SORCS3: variants seen among roughly 807,000 people sequenced by gnomAD.
SORCS3 encodes the protein sortilin related VPS10 domain containing receptor 3.
SORCS3 carries 57 observed loss-of-function variants against 146.3 expected under a neutral mutation model. The ratio of observed to expected loss-of-function variants is 0.39; its 90% confidence interval spans 0.31 to 0.49. The LOEUF (loss-of-function observed/expected upper bound fraction) is 0.49. Ranked by LOEUF, SORCS3 falls within the 20% of genes least tolerant of loss-of-function variation. The probability of loss-of-function intolerance (pLI) is 0.92; values close to 1 mark genes in which losing one functional copy is unlikely to be tolerated. For missense variants in SORCS3, 1,341 were observed against 1,575.5 expected, an observed-to-expected ratio of 0.85 and a Z score of 2.52; for synonymous variants, 653 against 618.5, an observed-to-expected ratio of 1.06 and a Z score of -0.83.
chr10:104,863,393 G>T (rs145548354), intron 2 of SORCS3, among the ~76,000 whole-genome samples: 1 of 152,082 alleles, frequency 6.6e-6, no homozygotes, highest in Non-Finnish European at 1.5e-5. Flanking sequence ...CTCCTCTTAC[G>T]CATTTTTAGG....
At chr10:104,905,634 G>C (rs570813235) in intron 2 of SORCS3, among the ~76,000 whole-genome samples, 3 of 152,148 alleles carry the variant, frequency 2.0e-5, no homozygotes, top group African/African-American at 7.2e-5. Flanking sequence ...ACCTTATTCT[G>C]TCTGGAGAAA....
chr10:104,900,249 C>T (rs182021573), intron 2 of SORCS3, among the ~76,000 whole-genome samples: 2 of 152,288 alleles, frequency 1.3e-5, no homozygotes, highest in Admixed American at 1.3e-4. Flanking sequence ...TAACAGAATT[C>T]TCTCAGGCAC....
chr10:105,092,713 A>G (rs1373619764), intron 6 of SORCS3, among the ~76,000 whole-genome samples: 1 of 152,062 alleles, frequency 6.6e-6, no homozygotes, highest in Non-Finnish European at 1.5e-5. Context: ...ATGGTAGTTT[A>G]ACTCAAATTT....
At chr10:105,133,331 A>G (rs1483855979) in intron 7 of SORCS3, among the ~76,000 whole-genome samples, 1 of 152,186 alleles carries the variant, frequency 6.6e-6, no homozygotes, top group African/African-American at 2.4e-5. Context: ...ACAATCTGTT[A>G]TTCAGTAAGT....
intron 1 of SORCS3, among the ~76,000 whole-genome samples, chr10:104,728,088 T>C (rs1375978994): frequency 6.6e-6 from 1 of 152,006 alleles, no homozygotes; most frequent in Admixed American, 6.6e-5. Flanking sequence ...ATCTGTCATC[T>C]CTTTTGTTCC....
At chr10:105,087,487 G>GAAAAAAA (rs59554883) in intron 5 of SORCS3, among the ~76,000 whole-genome samples, 9,500 of 141,806 alleles carry the variant, frequency 0.067, 391 homozygotes, top group Middle Eastern at 0.096. Flanking sequence ...TCTCTTCTGG[G>GAAAAAAA]AAAAAAAAAA....
intron 1 of SORCS3, among the ~76,000 whole-genome samples, chr10:104,671,762 T>C (rs2015857240): frequency 6.6e-6 from 1 of 152,186 alleles, no homozygotes; most frequent in African/African-American, 2.4e-5. Flanking sequence ...TTCATTCTGT[T>C]AATGTGGTAT....
At chr10:104,696,649 ATT>A (rs2016212715) in intron 1 of SORCS3, among the ~76,000 whole-genome samples, 3 of 56,872 alleles carry the variant, frequency 5.3e-5, no homozygotes, top group African/African-American at 1.3e-4. Flanking sequence ...TATAATATAT[ATT>A]ATATACGTAT....
chr10:105,038,825 A>C (rs1046414667), intron 4 of SORCS3, among the ~76,000 whole-genome samples: 4 of 152,140 alleles, frequency 2.6e-5, no homozygotes, highest in Non-Finnish European at 5.9e-5. Context: ...AATCTTCTAA[A>C]ACTTACTATT....
intron 2 of SORCS3, among the ~76,000 whole-genome samples, chr10:104,888,947 C>T (rs1307639165): frequency 6.6e-6 from 1 of 152,140 alleles, no homozygotes; most frequent in Admixed American, 6.5e-5. Context: ...CTATTCCCTA[C>T]TTTAGGTCAT....
intron 20 of SORCS3, among the ~76,000 whole-genome samples, chr10:105,240,157 A>G (rs1299998035): frequency 6.6e-6 from 1 of 152,206 alleles, no homozygotes; most frequent in African/African-American, 2.4e-5. Context: ...GGAAACAGCC[A>G]GATGGAGGAG....
chr10:105,021,602 G>T (rs1324329555), intron 4 of SORCS3, among the ~76,000 whole-genome samples: 1 of 152,158 alleles, frequency 6.6e-6, no homozygotes, highest in Non-Finnish European at 1.5e-5. Context: ...ACTAGTAATT[G>T]TAATAATGTT....
intron 1 of SORCS3, among the ~76,000 whole-genome samples, chr10:104,691,131 A>G (rs184865072): frequency 6.6e-6 from 1 of 152,186 alleles, no homozygotes; most frequent in Admixed American, 6.5e-5. Flanking sequence ...GAAGGATTCC[A>G]TGGTAACAAG....
intron 4 of SORCS3, among the ~76,000 whole-genome samples, chr10:105,033,877 A>G (rs977014519): frequency 2.0e-5 from 3 of 152,200 alleles, no homozygotes; most frequent in Non-Finnish European, 4.4e-5. Context: ...AGAGAAGGAT[A>G]GAATTTTTAC....
chr10:105,257,196 T>C (rs1379260249), intron 25 of SORCS3, among the ~76,000 whole-genome samples: 1 of 152,152 alleles, frequency 6.6e-6, no homozygotes, highest in Non-Finnish European at 1.5e-5. Context: ...AAGAGAAGTG[T>C]AAGGGGTTTT....
At chr10:105,248,324 A>G (rs2056879334) in intron 22 of SORCS3, among the ~76,000 whole-genome samples, 1 of 152,206 alleles carries the variant, frequency 6.6e-6, no homozygotes. Context: ...TTTGCAACTC[A>G]ATAAATACTT....
chr10:104,794,200 A>G (rs1190990076), intron 1 of SORCS3, among the ~76,000 whole-genome samples: 2 of 151,998 alleles, frequency 1.3e-5, no homozygotes, highest in African/African-American at 2.4e-5. Flanking sequence ...ACTTTGTACT[A>G]TTGTCAGACT....
chr10:105,256,178 T>C lies in SORCS3; in HGVS notation c.3337+377T>C, dbSNP rs181256077. 2.3e-4 allele frequency among the ~76,000 whole-genome samples: 35 copies of C among 152,366 alleles called. No homozygotes were observed. In the East Asian group the frequency reaches 6.5e-3, roughly 29 times the overall value. ...ATTCGATTATCTGATTTTATGAATC[T>C]TGGATGGTAGGCCACAGAACTTTAA... On this transcript the variant is annotated intron_variant, in intron 24 of 26. Coordinates refer to ENST00000369701, the MANE Select transcript of SORCS3 (RefSeq NM_014978.3).
At chr10:105,142,259 C>G (rs1335090999) in intron 8 of SORCS3, among the ~76,000 whole-genome samples, 1 of 152,094 alleles carries the variant, frequency 6.6e-6, no homozygotes, top group African/African-American at 2.4e-5. Flanking sequence ...TTGATCTTTG[C>G]CTGAGCCTTG....
Sources: gnomAD v4.1 joint callset for allele counts (sites outside exome capture counted in the v4.1 genomes callset) on GRCh38, gnomAD v4.1.1 for gene constraint, MANE v1.5 for transcripts, NCBI Gene and HGNC (gene_info 2026-07-23, HGNC 2026-07-21) for gene names.